The following CREM variants were observed in gnomAD, a reference collection of about 807,000 sequenced individuals.
CREM encodes the protein cAMP responsive element modulator, also known as cAMP-responsive element modulator.
CREM carries 13 observed loss-of-function variants against 37.3 expected under a neutral mutation model. That is an observed-to-expected ratio of 0.35 (90% CI 0.23 to 0.55). The LOEUF (loss-of-function observed/expected upper bound fraction) is 0.55, where lower values mean the gene tolerates loss of function less well. Among genes scored for constraint, CREM ranks in the 20% least tolerant of loss-of-function variants. CREM has a pLI of 0.88. For missense variants in CREM, 296 were observed against 362.3 expected (o/e 0.82, Z 1.49); for synonymous variants, 124 against 120.2 (o/e 1.03, Z -0.21).
At chr10:35,201,146 TAA>T (rs1249676466) in intron 6 of CREM, among the ~76,000 whole-genome samples, 1 of 152,226 alleles carries the variant, frequency 6.6e-6, no homozygotes, top group Non-Finnish European at 1.5e-5. Flanking sequence ...TATAATTTTA[TAA>T]GTTTTTAATA....
rs1226176444 is a variant in CREM, at chr10:35,163,111, T to A, written c.168+14620T>A. ...GTGCTATCTACTCAGGAGGCTAAGA[T>A]GGGAGGATCTCTTGAGCCCTGGAGG... is the stretch of plus-strand genomic sequence containing the variant. On this transcript the variant is annotated intron_variant, in intron 3 of 7. Coordinates refer to ENST00000685392, the MANE Select transcript of CREM (RefSeq NM_183011.2). 3.3e-5 allele frequency among the ~76,000 whole-genome samples: 5 copies of A among 151,852 alleles called. No homozygotes were observed. In the South Asian group the frequency reaches 1.0e-3, roughly 32 times the overall value.
rs966536862 is a variant in CREM at position 35,170,958 on chromosome 10, G to A, written c.169-7931G>A. Among the ~76,000 whole-genome samples, 5 of 151,974 alleles carry A rather than the reference G, an allele frequency of 3.3e-5. No homozygotes were observed. The East Asian group carries it at 5.8e-4, about 18-fold the overall frequency. ...ACATTTGAATTCTACCTCCAGATGC[G>A]TCATTTATGCAGGTTCTCAGCCTTT... On this transcript the variant is annotated intron_variant, in intron 3 of 7. Coordinates refer to ENST00000685392, the MANE Select transcript of CREM (RefSeq NM_183011.2).
At chr10:35,141,180 G>T (rs1197446914) in intron 2 of CREM, among the ~76,000 whole-genome samples, 5 of 151,828 alleles carry the variant, frequency 3.3e-5, no homozygotes, top group Non-Finnish European at 7.3e-5. Context: ...TGATGATAGT[G>T]ATCTTATAGA....
chr10:35,186,811 G>A (rs964719825), intron 5 of CREM, among the ~76,000 whole-genome samples: 3 of 115,072 alleles, frequency 2.6e-5, no homozygotes, highest in East Asian at 2.4e-4. Flanking sequence ...ATATATAATT[G>A]TACATAACAT....
chr10:35,141,936 G>A (rs2091486931), intron 2 of CREM, among the ~76,000 whole-genome samples: 1 of 148,010 alleles, frequency 6.8e-6, no homozygotes, highest in African/African-American at 2.7e-5. Flanking sequence ...GAAGGAAGAT[G>A]TTGTCAACGG....
chr10:35,188,659 A>AT (rs34929610), intron 6 of CREM, among the ~76,000 whole-genome samples: 4,067 of 138,672 alleles, frequency 0.029, 178 homozygotes, highest in African/African-American at 0.09. Flanking sequence ...ACATGAATGA[A>AT]TTTTTTTTTT....
chr10:35,199,833 T>C (rs2095329910), intron 6 of CREM, among the ~76,000 whole-genome samples: 1 of 151,384 alleles, frequency 6.6e-6, no homozygotes, highest in African/African-American at 2.4e-5. Context: ...ACACACTGCT[T>C]ATAAAACATA....
chr10:35,202,406 A>G (rs1373474385), intron 6 of CREM, among the ~76,000 whole-genome samples: 1 of 152,184 alleles, frequency 6.6e-6, no homozygotes, highest in Non-Finnish European at 1.5e-5. Flanking sequence ...TTTTCTCAAA[A>G]CAAGAGATTA....
intron 1 of CREM, among the ~76,000 whole-genome samples, chr10:35,129,204 T>C (rs780614970): frequency 2.6e-5 from 4 of 152,236 alleles, no homozygotes; most frequent in Non-Finnish European, 4.4e-5. Flanking sequence ...TGTGTACATA[T>C]TTTGGTGACA....
chr10:35,137,774 T>C lies in CREM; in HGVS notation c.-54-8T>C. On this transcript the variant is annotated splice_polypyrimidine_tract_variant and splice_region_variant and intron_variant, in intron 1 of 7. Transcript: ENST00000685392. ...ATCTCCCAATTCAACATTATAATTTTACTGCAGGATAAATAAAGAAAACAG... is the reference window on the plus strand; with the variant it reads ...ATCTCCCAATTCAACATTATAATTTCACTGCAGGATAAATAAAGAAAACAG... 1 of 1,305,796 alleles carries C rather than the reference T, an allele frequency of 7.7e-7. No individual in the cohort carries two copies. The highest frequency in any genetic ancestry group is 1.1e-6 in the Non-Finnish European group (1 of 950,552). The allele number at this position is 1,305,796 out of a possible 1,614,324, so 80.9% of individuals were successfully genotyped here.
At chr10:35,169,783 T>C (rs1294966759) in intron 3 of CREM, among the ~76,000 whole-genome samples, 1 of 152,114 alleles carries the variant, frequency 6.6e-6, no homozygotes, top group Admixed American at 6.6e-5. Flanking sequence ...ACCTAATTTA[T>C]TGAGAGTTTT....
intron 5 of CREM, among the ~76,000 whole-genome samples, chr10:35,187,146 AAT>A (rs1491136088): frequency 1.0e-3 from 65 of 63,980 alleles, no homozygotes; most frequent in Admixed American, 3.4e-3. Flanking sequence ...ATTAATATAT[AAT>A]ATATATAATA....
chr10:35,170,909 AAG>A (rs1480942432), intron 3 of CREM, among the ~76,000 whole-genome samples: 7 of 152,128 alleles, frequency 4.6e-5, no homozygotes, highest in Non-Finnish European at 1.0e-4. Context: ...CTCCAGATAT[AAG>A]AGTTTTCTTT....
intron 5 of CREM, 58 bp downstream of exon 5, chr10:35,179,334 A>G (rs1321430351): frequency 6.4e-6 from 10 of 1,569,152 alleles, no homozygotes; most frequent in African/African-American, 1.4e-5. Context: ...CTCTAGTTAT[A>G]TTGAAGCAAC....
chr10:35,154,529 G>A (rs2092780925), intron 3 of CREM: 1 of 153,336 alleles, frequency 6.5e-6, no homozygotes, highest in Non-Finnish European at 1.5e-5. Flanking sequence ...AAGTGTTCCT[G>A]TTAAAATTTT....
chr10:35,134,187 T>C (rs2090022696), intron 1 of CREM, among the ~76,000 whole-genome samples: 1 of 151,828 alleles, frequency 6.6e-6, no homozygotes, highest in South Asian at 2.1e-4. Flanking sequence ...GCTGGGATTA[T>C]AGGTGCACAT....
chr10:35,146,136 T>C (rs1216166921), intron 2 of CREM, among the ~76,000 whole-genome samples: 1 of 152,224 alleles, frequency 6.6e-6, no homozygotes, highest in Non-Finnish European at 1.5e-5. Context: ...GAATGAAATA[T>C]AGTTTACTGG....
chr10:35,150,602 G>A (rs1363586639), intron 3 of CREM, among the ~76,000 whole-genome samples: 3 of 152,072 alleles, frequency 2.0e-5, no homozygotes, highest in Non-Finnish European at 4.4e-5. Flanking sequence ...CAGGTGGATC[G>A]CTTGAGGCCA....
intron 5 of CREM, among the ~76,000 whole-genome samples, chr10:35,185,396 G>A (rs1269931857): frequency 2.0e-5 from 3 of 152,040 alleles, no homozygotes; most frequent in Non-Finnish European, 2.9e-5. Flanking sequence ...GAGCCACCGC[G>A]CCCGGCCTAG....
Sources: gnomAD v4.1 joint callset for allele counts (sites outside exome capture counted in the v4.1 genomes callset) on GRCh38, gnomAD v4.1.1 for gene constraint, MANE v1.5 for transcripts, NCBI Gene and HGNC (gene_info 2026-07-23, HGNC 2026-07-21) for gene names.